The following A4GALT variants were observed in gnomAD, a reference collection of about 807,000 sequenced individuals.
The protein encoded by A4GALT is alpha 1,4-galactosyltransferase (P1PK blood group).
For synonymous variants in A4GALT, 257 were observed against 220.7 expected (o/e 1.16, Z -1.46); for missense variants, 512 against 486.0 (o/e 1.05, Z -0.50).
At chr22:42,702,582 C>A (rs1472043696) in intron 1 of A4GALT, among the ~76,000 whole-genome samples, 1 of 152,330 alleles carries the variant, frequency 6.6e-6, no homozygotes. Context: ...GGTGATCCGC[C>A]CACCTCGGCC....
In A4GALT at chr22:42,693,629, G is replaced by T. The variant is rs1191987262; in HGVS notation, c.323C>A (p.Ser108Tyr). Residue 108 changes from serine (S) to tyrosine (Y), a missense_variant, in exon 3 of 3, where the codon TCC (serine) becomes TAC (tyrosine). Transcript: ENST00000642412. ...VESAARTHPE[S>Y]HVLVLMKGLP... ...CCCTTTCATCAGGACCAGCACGTGG[G>T]ATTCGGGGTGAGTTCTGGCGGCCGA... is the stretch of plus-strand genomic sequence containing the variant. 1.9e-6 allele frequency: 3 copies of T among 1,612,642 alleles called. No homozygotes were observed.
intron 1 of A4GALT, among the ~76,000 whole-genome samples, chr22:42,708,846 A>G (rs984899216): frequency 2.0e-5 from 3 of 151,992 alleles, no homozygotes; most frequent in Non-Finnish European, 1.5e-5. Context: ...TTTCTGGACA[A>G]AAATAATAAA....
At chr22:42,699,806 T>G (rs575243715) in intron 1 of A4GALT, among the ~76,000 whole-genome samples, 40 of 152,306 alleles carry the variant, frequency 2.6e-4, no homozygotes, top group Non-Finnish European at 5.0e-4. Context: ...ACGTTACTCC[T>G]GGGTGTGTCT....
At chr22:42,697,066 C>G (rs2146967322) in intron 1 of A4GALT, among the ~76,000 whole-genome samples, 1 of 152,030 alleles carries the variant, frequency 6.6e-6, no homozygotes, top group Admixed American at 6.6e-5. Context: ...GAACATAACC[C>G]CATGAGGATA....
chr22:42,699,871 G>A (rs990425686), intron 1 of A4GALT, among the ~76,000 whole-genome samples: 25 of 152,310 alleles, frequency 1.6e-4, no homozygotes, highest in African/African-American at 5.8e-4. Flanking sequence ...GAAGCAGATG[G>A]CCCCCAGTGT....
chr22:42,709,804 A>T (rs546971232), intron 1 of A4GALT, among the ~76,000 whole-genome samples: 1 of 152,298 alleles, frequency 6.6e-6, no homozygotes, highest in Admixed American at 6.5e-5. Context: ...AATAAAAAAA[A>T]TAAAAAAATG....
intron 1 of A4GALT, among the ~76,000 whole-genome samples, chr22:42,718,955 C>G (rs959793514): frequency 1.3e-5 from 2 of 152,172 alleles, no homozygotes; most frequent in African/African-American, 4.8e-5. Context: ...ACCTGCATCC[C>G]CAGCTGAACT....
chr22:42,712,784 C>T (rs1455598229), intron 1 of A4GALT, among the ~76,000 whole-genome samples: 1 of 152,164 alleles, frequency 6.6e-6, no homozygotes, highest in East Asian at 1.9e-4. Flanking sequence ...TGGCGGAAGC[C>T]TGTAATCCCA....
intron 1 of A4GALT, among the ~76,000 whole-genome samples, chr22:42,701,074 C>T (rs557544631): frequency 4.6e-4 from 70 of 152,330 alleles, no homozygotes; most frequent in Non-Finnish European, 8.7e-4. Flanking sequence ...GGGTCCCCTC[C>T]CCACCCACCT....
chr22:42,720,559 G>A (rs1225111205), intron 1 of A4GALT, among the ~76,000 whole-genome samples: 1 of 152,198 alleles, frequency 6.6e-6, no homozygotes, highest in South Asian at 2.1e-4. Flanking sequence ...CCGGGGCTCC[G>A]GGTCCCGCCG....
chr22:42,700,233 C>T (rs994772869), intron 1 of A4GALT, among the ~76,000 whole-genome samples: 2 of 152,228 alleles, frequency 1.3e-5, no homozygotes, highest in African/African-American at 2.4e-5. Context: ...AGGGGCTCCT[C>T]GCTCTCATTC....
chr22:42,709,783 C>G (rs1921518156), intron 1 of A4GALT, among the ~76,000 whole-genome samples: 1 of 151,950 alleles, frequency 6.6e-6, no homozygotes, highest in African/African-American at 2.4e-5. Context: ...CAGTGAGACT[C>G]TGTCTCAAAA....
At position 42,692,882 on chromosome 22, in the gene A4GALT, C is replaced by T. The variant is rs781133686; in HGVS notation, c.*8G>A. 1.0e-5 allele frequency: 16 copies of T among 1,599,372 alleles called. No individual in the cohort carries two copies. Among genetic ancestry groups the T allele is most frequent in the African/African-American group, 4.0e-5 (3 of 74,904 alleles). On this transcript the variant is annotated 3_prime_UTR_variant, in exon 3 of 3. Transcript: ENST00000642412. This position sits in a 1 kb window ranked among gnomAD's most constrained non-coding sequence, Gnocchi z 4.6. ...GGAGCAGGTTGGGGAGGTGACCTGGCGGGCCCCTCACAAGTACATTTTCAT... is the reference window on the plus strand; with the variant it reads ...GGAGCAGGTTGGGGAGGTGACCTGGTGGGCCCCTCACAAGTACATTTTCAT...
intron 1 of A4GALT, among the ~76,000 whole-genome samples, chr22:42,704,541 C>T (rs1301036986): frequency 1.3e-5 from 2 of 151,294 alleles, no homozygotes; most frequent in East Asian, 1.9e-4. Flanking sequence ...GGCTGAAGGG[C>T]TGTTTGTAAG....
intron 1 of A4GALT, among the ~76,000 whole-genome samples, chr22:42,715,370 T>C (rs1476860502): frequency 1.3e-5 from 2 of 152,114 alleles, no homozygotes; most frequent in African/African-American, 4.8e-5. Context: ...TCTTTGAGCA[T>C]GTCCTTAATT....
At chr22:42,704,880 G>C (rs1382292561) in intron 1 of A4GALT, among the ~76,000 whole-genome samples, 379 of 11,204 alleles carry the variant, frequency 0.034, 3 homozygotes, top group African/African-American at 0.23. Context: ...GGGGGGGGGC[G>C]GGGGGGGGCG....
Position 42,693,991 on chromosome 22 carries a change from G to C in A4GALT, c.-40C>G. 1 of 1,529,018 alleles carries C rather than the reference G, an allele frequency of 6.5e-7. No homozygotes were observed. The highest frequency in any genetic ancestry group is 8.8e-7 in the Non-Finnish European group (1 of 1,131,840). The allele number at this position is 1,529,018 out of a possible 1,614,324, so 94.7% of individuals were successfully genotyped here. On this transcript the variant is annotated 5_prime_UTR_variant, in exon 3 of 3. Transcript: ENST00000642412. ...AGACCAGGAGCTTCCAGCAGGAACC[G>C]GCTGGTCTGCAAGAGATGAGCACCC...
intron 1 of A4GALT, among the ~76,000 whole-genome samples, chr22:42,703,928 C>A (rs546673170): frequency 6.6e-6 from 1 of 152,280 alleles, no homozygotes; most frequent in East Asian, 1.9e-4. Context: ...GATTTGGCAA[C>A]GTGACCTTGG....
At chr22:42,703,247 T>G (rs1920937911) in intron 1 of A4GALT, among the ~76,000 whole-genome samples, 1 of 128,168 alleles carries the variant, frequency 7.8e-6, no homozygotes, top group Non-Finnish European at 1.6e-5. Flanking sequence ...TTTTTGTTGT[T>G]TGTTTGTTTT....
Sources: allele counts gnomAD v4.1 joint callset (sites outside exome capture counted in the v4.1 genomes callset), GRCh38; gene constraint gnomAD v4.1.1; non-coding constraint Gnocchi (gnomAD v3.1); transcripts MANE v1.5; gene names NCBI Gene and HGNC (gene_info 2026-07-23, HGNC 2026-07-21).